The following LARGE1 variants were observed in gnomAD, a reference collection of about 807,000 sequenced individuals.
LARGE1 encodes the protein xylosyl- and glucuronyltransferase LARGE1.
LARGE1 carries 43 observed loss-of-function variants against 87.6 expected under a neutral mutation model. The observed-to-expected ratio is 0.49, with a 90% CI of 0.38 to 0.63. The LOEUF is 0.63. Ranked by LOEUF, LARGE1 falls within the 30% of genes least tolerant of loss-of-function variation. The pLI is 0.00. For missense variants in LARGE1, 802 were observed against 1,000.2 expected (o/e 0.80, Z 2.67); for synonymous variants, 434 against 394.6 (o/e 1.10, Z -1.18).
At position 33,263,781 on chromosome 22, in the gene LARGE1, C is replaced by G. The variant is rs559787330; in HGVS notation, c.1730+40448G>C. On this transcript the variant is annotated intron_variant, in intron 11 of 11. Coordinates refer to the LARGE1 transcript ENST00000608642. The stretch of plus-strand genomic sequence containing the variant: ...ACAGCAGTGGAAAACAAATACACTC[C>G]CCATGGACATGAAATGCACGATGAA... Among the ~76,000 whole-genome samples the G allele has an allele frequency of 2.0e-5, 3 of 152,276 alleles. No homozygotes were observed. The East Asian group carries it at 5.8e-4, about 29-fold the overall frequency.
chr22:33,617,993 A>G (rs1602740550), intron 4 of LARGE1, among the ~76,000 whole-genome samples: 1 of 152,210 alleles, frequency 6.6e-6, no homozygotes, highest in South Asian at 2.1e-4. Flanking sequence ...GCCTGTTTTC[A>G]TTAAAATATA....
At chr22:33,142,025 CTT>C in the LARGE1 span, among the ~76,000 whole-genome samples, 1 of 140,776 alleles carries the variant, frequency 7.1e-6, no homozygotes, top group East Asian at 2.1e-4. Context: ...TTACTGCTTA[CTT>C]AACAACAAAA....
At chr22:33,468,083 T>C (rs1277274859) in intron 6 of LARGE1, among the ~76,000 whole-genome samples, 2 of 152,180 alleles carry the variant, frequency 1.3e-5, no homozygotes, top group Non-Finnish European at 2.9e-5. Flanking sequence ...TTTCCTAGGA[T>C]GGGGTAATGC....
intron 9 of LARGE1, among the ~76,000 whole-genome samples, chr22:33,381,296 A>G (rs1319442745): frequency 2.6e-5 from 4 of 152,200 alleles, no homozygotes; most frequent in East Asian, 1.9e-4. Context: ...AGCATTATCT[A>G]TAGCAGTAGA....
intron 2 of LARGE1, among the ~76,000 whole-genome samples, chr22:33,680,609 T>C (rs2081735985): frequency 6.6e-6 from 1 of 152,172 alleles, no homozygotes; most frequent in Non-Finnish European, 1.5e-5. Context: ...AGTTGCACCA[T>C]CTTCCTGGTT....
intron 11 of LARGE1, among the ~76,000 whole-genome samples, chr22:33,259,238 A>G (rs1927487494): frequency 6.6e-6 from 1 of 151,988 alleles, no homozygotes. Context: ...CCCATTCCTT[A>G]CCTTTAACCA....
intron 1 of LARGE1, among the ~76,000 whole-genome samples, chr22:33,805,678 G>A (rs921479596): frequency 1.3e-4 from 19 of 151,916 alleles, no homozygotes; most frequent in Non-Finnish European, 2.1e-4. Flanking sequence ...AGGTTGCCAT[G>A]AGCCCAGATC....
chr22:33,633,843 C>T (rs2080182604), intron 3 of LARGE1, among the ~76,000 whole-genome samples: 1 of 152,212 alleles, frequency 6.6e-6, no homozygotes, highest in Non-Finnish European at 1.5e-5. Context: ...GAGAAGCGAA[C>T]AGCCGGGGTC....
At chr22:33,457,927 G>A (rs1321362686) in intron 6 of LARGE1, among the ~76,000 whole-genome samples, 1 of 152,012 alleles carries the variant, frequency 6.6e-6, no homozygotes, top group Non-Finnish European at 1.5e-5. Context: ...TTACCCACTG[G>A]CCAAGTGTAT....
the LARGE1 span, among the ~76,000 whole-genome samples, chr22:33,129,778 A>G: frequency 6.6e-6 from 1 of 152,178 alleles, no homozygotes; most frequent in African/African-American, 2.4e-5. Context: ...AGGAAGTGCC[A>G]GACACTTAAA....
intron 6 of LARGE1, among the ~76,000 whole-genome samples, chr22:33,526,523 A>G (rs1185203401): frequency 6.6e-6 from 1 of 152,232 alleles, no homozygotes; most frequent in Non-Finnish European, 1.5e-5. Context: ...AGGTGCCTGG[A>G]CTAAGGGTTT....
chr22:33,637,521 C>A (rs1237211952), intron 3 of LARGE1, among the ~76,000 whole-genome samples: 1 of 152,098 alleles, frequency 6.6e-6, no homozygotes, highest in African/African-American at 2.4e-5. Context: ...CAGAGCCGGG[C>A]TGTATGACCA....
At chr22:33,776,656 T>C (rs1015510391) in intron 1 of LARGE1, among the ~76,000 whole-genome samples, 1 of 152,232 alleles carries the variant, frequency 6.6e-6, no homozygotes, top group Non-Finnish European at 1.5e-5. Context: ...ATTTTCATTC[T>C]GCTTAAGCAA....
chr22:33,502,794 C>T (rs2070534719), intron 6 of LARGE1, among the ~76,000 whole-genome samples: 1 of 152,164 alleles, frequency 6.6e-6, no homozygotes, highest in Non-Finnish European at 1.5e-5. Flanking sequence ...GTCTCGATCT[C>T]TTGACCTCGT....
At chr22:33,389,170 G>C (rs1160755928) in intron 7 of LARGE1, among the ~76,000 whole-genome samples, 1 of 152,216 alleles carries the variant, frequency 6.6e-6, no homozygotes, top group Admixed American at 6.5e-5. Flanking sequence ...AAGAACTAGA[G>C]TGTATCATGG....
chr22:33,087,350 G>A, the LARGE1 span, among the ~76,000 whole-genome samples: 2 of 151,932 alleles, frequency 1.3e-5, no homozygotes, highest in African/African-American at 4.8e-5. Flanking sequence ...CACAGTAATT[G>A]GAGTTGTTAA....
intron 6 of LARGE1, among the ~76,000 whole-genome samples, chr22:33,494,061 C>T (rs113351034): frequency 3.9e-5 from 6 of 152,336 alleles, no homozygotes; most frequent in Admixed American, 1.3e-4. Flanking sequence ...AGGACAAATA[C>T]GAGAAATTAA....
At chr22:33,553,080 C>T (rs1330285000) in intron 6 of LARGE1, among the ~76,000 whole-genome samples, 3 of 152,118 alleles carry the variant, frequency 2.0e-5, no homozygotes, top group Non-Finnish European at 4.4e-5. Context: ...AGGCTTCTTT[C>T]CCCATCTTGA....
chr22:33,538,683 G>A (rs1035067871), intron 6 of LARGE1, among the ~76,000 whole-genome samples: 15 of 152,214 alleles, frequency 9.9e-5, no homozygotes, highest in East Asian at 1.9e-4. Flanking sequence ...CCCCCACCAC[G>A]TGGCAGCCAC....
Sources: allele counts gnomAD v4.1 joint callset (sites outside exome capture counted in the v4.1 genomes callset), GRCh38; gene constraint gnomAD v4.1.1; transcripts MANE v1.5; gene names NCBI Gene and HGNC (gene_info 2026-07-23, HGNC 2026-07-21).